The following ASAP1 variants were observed in gnomAD, a reference collection of about 807,000 sequenced individuals.
The protein encoded by ASAP1 is ArfGAP with SH3 domain, ankyrin repeat and PH domain 1.
In ASAP1, 43 loss-of-function variants were observed where a neutral mutation model predicts 145.2. The ratio of observed to expected loss-of-function variants is 0.30; its 90% CI spans 0.23 to 0.38. ASAP1 has a LOEUF of 0.38. Among genes scored for constraint, ASAP1 ranks in the 10% least tolerant of loss-of-function variants. The probability of loss-of-function intolerance (pLI) is 1.00; values close to 1 mark genes in which losing one functional copy is unlikely to be tolerated. For synonymous variants in ASAP1, 546 were observed against 515.5 expected (o/e 1.06, Z -0.80); for missense variants, 1,018 against 1,355.3 (o/e 0.75, Z 3.91).
At chr8:130,293,818 A>G (rs952069597) in intron 3 of ASAP1, among the ~76,000 whole-genome samples, 4 of 152,242 alleles carry the variant, frequency 2.6e-5, no homozygotes, top group Admixed American at 6.5e-5. Context: ...TCTGTAAAAA[A>G]TAAGTACAAA....
At chr8:130,059,577 C>A (rs2097413163) in intron 28 of ASAP1, among the ~76,000 whole-genome samples, 2 of 152,126 alleles carry the variant, frequency 1.3e-5, no homozygotes, top group Non-Finnish European at 2.9e-5. Flanking sequence ...CGCCTCTTCC[C>A]AAAGTGCTGG....
At chr8:130,097,771 C>T (rs1210072257) in intron 24 of ASAP1, among the ~76,000 whole-genome samples, 1 of 150,834 alleles carries the variant, frequency 6.6e-6, no homozygotes, top group Non-Finnish European at 1.5e-5. Flanking sequence ...GACTCTCTCC[C>T]AGGAACTGAC....
At chr8:130,061,109 A>G in intron 27 of ASAP1, 40 bp from the exon 28 acceptor site, 2 of 1,517,920 alleles carry the variant, frequency 1.3e-6, no homozygotes, top group Non-Finnish European at 1.8e-6. Context: ...ATTGGTGGGA[A>G]GGGCTGCTTT....
chr8:130,100,779 A>T (rs1262487565), intron 24 of ASAP1, among the ~76,000 whole-genome samples: 1 of 152,214 alleles, frequency 6.6e-6, no homozygotes, highest in African/African-American at 2.4e-5. Context: ...TAGTTTCTGC[A>T]TTCAACAGGT....
intron 3 of ASAP1, among the ~76,000 whole-genome samples, chr8:130,333,679 T>TGCCA (rs1374117831): frequency 6.6e-6 from 1 of 152,246 alleles, no homozygotes; most frequent in Non-Finnish European, 1.5e-5. Flanking sequence ...CAGGGCATAT[T>TGCCA]GCCATCATGA....
At chr8:130,105,766 G>GTA (rs2097535940) in intron 24 of ASAP1, among the ~76,000 whole-genome samples, 1 of 152,198 alleles carries the variant, frequency 6.6e-6, no homozygotes, top group African/African-American at 2.4e-5. Context: ...GGACACTAGT[G>GTA]TAAGTCAGCA....
At chr8:130,372,247 C>T (rs896157363) in intron 2 of ASAP1, among the ~76,000 whole-genome samples, 1 of 152,230 alleles carries the variant, frequency 6.6e-6, no homozygotes, top group African/African-American at 2.4e-5. Context: ...AATTTATTTA[C>T]ACAACCCTTG....
chr8:130,200,262 A>C (rs1040027814), intron 5 of ASAP1, among the ~76,000 whole-genome samples: 2 of 152,080 alleles, frequency 1.3e-5, no homozygotes, highest in African/African-American at 4.8e-5. Context: ...TCAAAACAGG[A>C]AGTTGGGTAA....
chr8:130,342,957 G>A (rs973020435), intron 3 of ASAP1, among the ~76,000 whole-genome samples: 1 of 152,146 alleles, frequency 6.6e-6, no homozygotes, highest in Admixed American at 6.5e-5. Flanking sequence ...ATGTGTGAAC[G>A]AAGGGGCAGT....
chr8:130,259,620 C>T (rs1311797425), intron 3 of ASAP1, among the ~76,000 whole-genome samples: 1 of 152,186 alleles, frequency 6.6e-6, no homozygotes, highest in Non-Finnish European at 1.5e-5. Context: ...TTCTTTAAAA[C>T]CCAACCTAAT....
At chr8:130,110,947 G>A (rs769124107) in intron 24 of ASAP1, among the ~76,000 whole-genome samples, 2 of 152,208 alleles carry the variant, frequency 1.3e-5, no homozygotes, top group Admixed American at 6.5e-5. Context: ...CACTGGCAAA[G>A]ACCAAACTTG....
In ASAP1 at chr8:130,116,953, T is replaced by C. The variant is rs1003745807; in HGVS notation, c.1923A>G (p.Leu641=). The C allele has an allele frequency of 2.5e-6, 4 of 1,612,836 alleles. No individual in the cohort carries two copies. The highest frequency in any genetic ancestry group is 2.7e-5 in the African/African-American group (2 of 74,884). ...DKQTALGNTV[L]HYCSMYSKPE... is the part of the protein sequence containing the mutation. Reference sequence around the variant, plus strand: ...GTTTACTGTACATACTACAGTAGTGTAGAACTGTGTTTCCCAGGGCCGTCT... The same window carrying C: ...GTTTACTGTACATACTACAGTAGTGCAGAACTGTGTTTCCCAGGGCCGTCT... Residue 641 remains leucine, a synonymous_variant, in exon 21 of 30, where the codon CTA becomes CTG. Transcript: ENST00000518721.
At chr8:130,236,026 G>C (rs1459198962) in intron 4 of ASAP1, among the ~76,000 whole-genome samples, 1 of 152,040 alleles carries the variant, frequency 6.6e-6, no homozygotes, top group African/African-American at 2.4e-5. Flanking sequence ...GCTCAAGAAG[G>C]AGAAATAACC....
In ASAP1 at chr8:130,179,344, G is replaced by A. The variant is rs1440331793; in HGVS notation, c.666C>T (p.Leu222=). The change falls in exon 9 of 30, where the codon CTC becomes CTT. Residue 222 remains leucine (L), a synonymous_variant. Coordinates refer to ENST00000518721, the MANE Select transcript of ASAP1 (RefSeq NM_018482.4). ...RLFQLQMCEY[L]IKVNEIKTKK... ...TGGTCTTGATTTCATTAACTTTAAT[G>A]AGATACTGTGAAAATAAAACAGGGT... 1 of 1,592,470 alleles carries A rather than the reference G, an allele frequency of 6.3e-7. No homozygotes were observed. The highest frequency in any genetic ancestry group is 8.6e-7 in the Non-Finnish European group (1 of 1,160,548).
intron 5 of ASAP1, among the ~76,000 whole-genome samples, chr8:130,209,911 CATTT>C (rs1389115122): frequency 4.6e-4 from 70 of 152,208 alleles, no homozygotes; most frequent in African/African-American, 1.5e-3. Context: ...CAACTGATAG[CATTT>C]ATTGCTAATG....
intron 15 of ASAP1, among the ~76,000 whole-genome samples, chr8:130,131,147 ACT>A (rs1305481548): frequency 1.4e-5 from 2 of 144,716 alleles, no homozygotes; most frequent in African/African-American, 5.2e-5. Context: ...ACAGAGCAAG[ACT>A]CTGAAAACAA....
chr8:130,167,070 G>A (rs776295622), intron 11 of ASAP1, among the ~76,000 whole-genome samples: 1 of 152,132 alleles, frequency 6.6e-6, no homozygotes, highest in East Asian at 1.9e-4. Context: ...TTGGGAGGCC[G>A]AGGTGGGAGA....
chr8:130,060,075 CAAAAAAAAAAAAAA>C (rs55875346), intron 28 of ASAP1, among the ~76,000 whole-genome samples: 49,605 of 96,800 alleles, frequency 0.51, 10,067 homozygotes, highest in Admixed American at 0.56. Context: ...GAGCCCTTCT[CAAAAAAAAAAAAAA>C]AAAAAAAAAA....
At chr8:130,129,449 A>C (rs2097579997) in intron 15 of ASAP1, among the ~76,000 whole-genome samples, 1 of 152,236 alleles carries the variant, frequency 6.6e-6, no homozygotes, top group Admixed American at 6.5e-5. Flanking sequence ...AACTATAATG[A>C]ACTTGTATTA....
Sources: gnomAD v4.1 joint callset for allele counts (sites outside exome capture counted in the v4.1 genomes callset) on GRCh38, gnomAD v4.1.1 for gene constraint, MANE v1.5 for transcripts, NCBI Gene and HGNC (gene_info 2026-07-23, HGNC 2026-07-21) for gene names.